Variants in RPS4Y1 observed in about 807,000 individuals in gnomAD.
RPS4Y1 encodes small ribosomal subunit protein eS4, Y isoform 1.
For missense variants in RPS4Y1, 30 were observed against 60.9 expected, an observed-to-expected ratio of 0.49 and a Z score of 1.69; for synonymous variants, 23 against 20.8, an observed-to-expected ratio of 1.10 and a Z score of -0.28.
chrY:2,861,170 T>C, intron 5 of RPS4Y1, among the ~76,000 whole-genome samples: 2 of 33,588 alleles, frequency 6.0e-5, no homozygotes, highest in Non-Finnish European at 1.5e-4. Context: ...TCAATTGTAT[T>C]CAGTTCCAGA....
chrY:2,864,142 A>G (rs2051165410), intron 5 of RPS4Y1, among the ~76,000 whole-genome samples: 9 of 33,761 alleles, frequency 2.7e-4, no homozygotes, highest in Non-Finnish European at 6.6e-4. Flanking sequence ...ATTTTCTTGC[A>G]TCCTAGAGCC....
At chrY:2,842,353 T>C in intron 2 of RPS4Y1, 111 bp downstream of exon 2, 1 of 192,325 alleles carries the variant, frequency 5.2e-6, no homozygotes, top group Admixed American at 1.1e-4. Context: ...TTGTTTGTTA[T>C]GTGGGATTTT....
At chrY:2,846,072 A>G (rs893680994) in intron 4 of RPS4Y1, among the ~76,000 whole-genome samples, 8 of 34,047 alleles carry the variant, frequency 2.3e-4, no homozygotes, top group Non-Finnish European at 5.9e-4. Flanking sequence ...AGGCAACAGT[A>G]CATAGAACCT....
At chrY:2,856,899 T>G in intron 5 of RPS4Y1, among the ~76,000 whole-genome samples, 1 of 33,525 alleles carries the variant, frequency 3.0e-5, no homozygotes, top group Non-Finnish European at 7.4e-5. Context: ...TGGTATTAAT[T>G]TTTTTGCTTA....
chrY:2,859,150 C>T, intron 5 of RPS4Y1, among the ~76,000 whole-genome samples: 3 of 33,618 alleles, frequency 8.9e-5, no homozygotes, highest in Non-Finnish European at 1.5e-4. Context: ...CTGTGTGTGT[C>T]GTTAAATCTG....
Position 2,865,145 on chromosome Y carries a change from A to G in RPS4Y1, c.590A>G (p.Asn197Ser). ...CTCGGTCGTGTTGGTGTGATCACCA[A>G]CAGGGAAAGACATCCTGGTTCTTTT... ...ANLGRVGVIT[N>S]RERHPGSFDV... Residue 197 changes from asparagine (N) to serine (S), a missense_variant, in exon 6 of 7, where the codon AAC (asparagine) becomes AGC (serine). Transcript: ENST00000250784. The G allele has an allele frequency of 2.5e-6, 1 of 397,604 alleles. No homozygotes were observed. Among genetic ancestry groups the G allele is most frequent in the Non-Finnish European group, 3.5e-6 (1 of 282,606 alleles).
intron 5 of RPS4Y1, among the ~76,000 whole-genome samples, chrY:2,860,857 G>C: frequency 3.0e-5 from 1 of 33,398 alleles, no homozygotes; most frequent in Non-Finnish European, 7.4e-5. Context: ...TCAGCTTCTT[G>C]AATTTGTATG....
intron 5 of RPS4Y1, among the ~76,000 whole-genome samples, chrY:2,857,411 A>G: frequency 3.0e-5 from 1 of 33,405 alleles, no homozygotes; most frequent in South Asian, 6.6e-4. Context: ...GTGGCATGTG[A>G]AAGTATTTCT....
At chrY:2,865,027 G>C in intron 5 of RPS4Y1, 61 bp from the exon 6 acceptor site, 1 of 313,172 alleles carries the variant, frequency 3.2e-6, no homozygotes, top group Non-Finnish European at 4.5e-6. Flanking sequence ...TTGTTTTAAA[G>C]GCAACAGGCC....
Position 2,866,820 on chromosome Y carries a change from A to G in RPS4Y1, c.718A>G (p.Arg240Gly). The G allele has an allele frequency of 2.5e-6, 1 of 396,395 alleles. No homozygotes were observed. The highest frequency in any genetic ancestry group is 6.1e-5 in the African/African-American group (1 of 16,271). Residue 240 changes from arginine to glycine, a missense_variant, in exon 7 of 7, where the codon AGG becomes GGG. By Grantham distance (125) the Arg-to-Gly change is moderately radical. Coordinates refer to ENST00000250784, the MANE Select transcript of RPS4Y1 (RefSeq NM_001008.4). ...NGNKPWISLP[R>G]GKGIRLTVAE... ...CAATAAACCTTGGATTTCCCTGCCC[A>G]GGGGAAAGGGCATTCGACTTACTGT...
intron 4 of RPS4Y1, among the ~76,000 whole-genome samples, chrY:2,847,202 C>CA (rs2051153271): frequency 3.0e-5 from 1 of 33,575 alleles, no homozygotes; most frequent in Non-Finnish European, 7.4e-5. Flanking sequence ...CCTGGGACGT[C>CA]AGTTATGTCA....
intron 4 of RPS4Y1, among the ~76,000 whole-genome samples, chrY:2,847,327 G>T (rs776416502): frequency 2.9e-5 from 1 of 33,918 alleles, no homozygotes; most frequent in South Asian, 6.5e-4. Flanking sequence ...TAGAAAAGTG[G>T]TATTTTGTGG....
Position 2,842,151 on chromosome Y carries a change from C to T in RPS4Y1, c.4-14C>T. 3 of 396,274 alleles carry T rather than the reference C, an allele frequency of 7.6e-6. No individual in the cohort carries two copies. Among genetic ancestry groups the T allele is most frequent in the Non-Finnish European group, 7.1e-6 (2 of 281,338 alleles). On this transcript the variant is annotated splice_polypyrimidine_tract_variant and intron_variant, in intron 1 of 6. Coordinates refer to ENST00000250784, the MANE Select transcript of RPS4Y1 (RefSeq NM_001008.4). Reference sequence around the variant, plus strand: ...AGCGGAAACTAATTTCTCTGAGTTTCGTGTCCTTTTCAGGCCCGGGGCCCC... The same window carrying T: ...AGCGGAAACTAATTTCTCTGAGTTTTGTGTCCTTTTCAGGCCCGGGGCCCC...
At chrY:2,860,344 A>G (rs2051162753) in intron 5 of RPS4Y1, among the ~76,000 whole-genome samples, 1 of 33,148 alleles carries the variant, frequency 3.0e-5, no homozygotes, top group African/African-American at 1.2e-4. Flanking sequence ...TTCAGTCTCC[A>G]TCATCTTTTA....
intron 2 of RPS4Y1, among the ~76,000 whole-genome samples, chrY:2,842,466 C>G (rs2051149890): frequency 3.2e-5 from 1 of 31,437 alleles, no homozygotes; most frequent in Non-Finnish European, 7.7e-5. Flanking sequence ...TCTTTTAGCT[C>G]GCCACTTCAG....
chrY:2,847,833 A>C, intron 4 of RPS4Y1, among the ~76,000 whole-genome samples: 1 of 33,474 alleles, frequency 3.0e-5, no homozygotes, highest in Non-Finnish European at 7.3e-5. Context: ...AGACAGAAGT[A>C]AGTGCTGACT....
intron 1 of RPS4Y1, 72 bp from the exon 2 acceptor site, chrY:2,842,093 T>A: frequency 2.9e-6 from 1 of 339,078 alleles, no homozygotes; most frequent in South Asian, 3.1e-5. Context: ...CGTTAGCAGT[T>A]CCTACAGCTG....
At chrY:2,854,379 G>A in intron 4 of RPS4Y1, 1 of 129,876 alleles carries the variant, frequency 7.7e-6, no homozygotes. Context: ...AGAGGGTTCT[G>A]AAACAGATTC....
chrY:2,842,262 T>C lies in RPS4Y1; in HGVS notation c.81+20T>C. On this transcript the variant is annotated intron_variant, in intron 2 of 6. Transcript: ENST00000250784. The stretch of plus-strand genomic sequence containing the variant: ...GTATTTGTGAGTATAACTTTGTTTT[T>C]TGTGGTTTTTTTTTGTTTTTTTTAG... 1 of 383,239 alleles carries C rather than the reference T, an allele frequency of 2.6e-6. No individual in the cohort carries two copies. Among genetic ancestry groups the C allele is most frequent in the Non-Finnish European group, 3.7e-6 (1 of 272,505 alleles).
Sources: gnomAD v4.1 joint callset for allele counts (sites outside exome capture counted in the v4.1 genomes callset) on GRCh38, gnomAD v4.1.1 for gene constraint, MANE v1.5 for transcripts, NCBI Gene and HGNC (gene_info 2026-07-23, HGNC 2026-07-21) for gene names.